TGIF1: variants seen among roughly 807,000 people sequenced by gnomAD.
TGIF1 encodes the protein homeobox protein TGIF1.
In TGIF1, 4 loss-of-function variants were observed where a neutral mutation model predicts 19.3. The observed-to-expected ratio is 0.21, with a 90% CI of 0.10 to 0.47. TGIF1 has a LOEUF of 0.47. TGIF1 is among the 20% of genes least tolerant of loss of function. The probability of loss-of-function intolerance (pLI) is 0.98; values close to 1 mark genes in which losing one functional copy is unlikely to be tolerated. For synonymous variants in TGIF1, 122 were observed against 129.3 expected (o/e 0.94, Z 0.38); for missense variants, 275 against 341.4 (o/e 0.81, Z 1.53).
upstream of TGIF1, among the ~76,000 whole-genome samples, chr18:3,445,228 A>G (rs1411574411): frequency 6.6e-6 from 1 of 152,152 alleles, no homozygotes; most frequent in African/African-American, 2.4e-5. Context: ...CTGGTGAGAA[A>G]CTGCCAGAGG....
upstream of TGIF1, among the ~76,000 whole-genome samples, chr18:3,445,686 T>C (rs1167359443): frequency 8.6e-6 from 1 of 116,404 alleles, no homozygotes; most frequent in Non-Finnish European, 1.6e-5. Flanking sequence ...ATTGCGCCAC[T>C]GCACTCCAGC....
upstream of TGIF1, among the ~76,000 whole-genome samples, chr18:3,445,350 G>A (rs936679275): frequency 6.6e-6 from 1 of 152,138 alleles, no homozygotes; most frequent in Non-Finnish European, 1.5e-5. Context: ...AAGAATGGAA[G>A]GGGGCAGTTA....
chr18:3,420,946 G>A (rs1392897032), intron 2 of TGIF1, among the ~76,000 whole-genome samples: 2 of 152,144 alleles, frequency 1.3e-5, no homozygotes, highest in African/African-American at 4.8e-5. Context: ...AGTGTGACTT[G>A]GTTCTAATCA....
chr18:3,415,594 C>A, intron 1 of TGIF1: 1 of 232,550 alleles, frequency 4.3e-6, no homozygotes, highest in Admixed American at 4.2e-5. Flanking sequence ...GGAACATGCC[C>A]AACGCCTTTT....
chr18:3,424,124 C>T (rs2082440463), intron 2 of TGIF1, among the ~76,000 whole-genome samples: 1 of 152,100 alleles, frequency 6.6e-6, no homozygotes, highest in Non-Finnish European at 1.5e-5. Flanking sequence ...AAGCTGCGAC[C>T]TAATTAATGT....
chr18:3,447,619 TG>T (rs1223831738), upstream of TGIF1: 11 of 1,113,802 alleles, frequency 9.9e-6, no homozygotes, highest in Admixed American at 3.5e-5. Context: ...CAGCGTTGGC[TG>T]GGGGGAGGCA....
chr18:3,417,739 T>G (rs2082351490), intron 1 of TGIF1, among the ~76,000 whole-genome samples: 1 of 152,188 alleles, frequency 6.6e-6, no homozygotes, highest in East Asian at 1.9e-4. Context: ...TATGTTATAT[T>G]TCTTCTTTCT....
intron 2 of TGIF1, among the ~76,000 whole-genome samples, chr18:3,424,642 G>C (rs1172874275): frequency 6.6e-6 from 1 of 152,230 alleles, no homozygotes; most frequent in Non-Finnish European, 1.5e-5. Flanking sequence ...CACTGGATTA[G>C]AGGGTAGGAA....
intron 2 of TGIF1, among the ~76,000 whole-genome samples, chr18:3,426,165 C>A (rs1378291682): frequency 1.7e-5 from 2 of 118,862 alleles, no homozygotes; most frequent in South Asian, 2.3e-4. Context: ...TGGCTAGGGT[C>A]CTTTTTTTTT....
intron 1 of TGIF1, chr18:3,452,164 C>G (rs555016322): frequency 2.7e-5 from 44 of 1,613,866 alleles, no homozygotes; most frequent in Middle Eastern, 3.3e-4. Context: ...TACCTTCCCC[C>G]AGCGCCGTGG....
chr18:3,412,211 G>C (rs528167480), exon 1 of TGIF1: 4 of 152,258 alleles, frequency 2.6e-5, no homozygotes, highest in Admixed American at 2.0e-4. Flanking sequence ...GGTGCTGCGC[G>C]GGGCTCCCTC....
intron 1 of TGIF1, among the ~76,000 whole-genome samples, chr18:3,453,485 G>T (rs926480871): frequency 6.6e-6 from 1 of 151,856 alleles, no homozygotes; most frequent in Non-Finnish European, 1.5e-5. Context: ...TCGGGAGTTC[G>T]AGACCAGCCT....
chr18:3,431,868 C>T (rs570250250), intron 2 of TGIF1, among the ~76,000 whole-genome samples: 3 of 152,284 alleles, frequency 2.0e-5, no homozygotes, highest in East Asian at 3.9e-4. Context: ...CTGTGGCTCA[C>T]GCCTGTAATC....
chr18:3,451,953 AT>A lies in TGIF1; in HGVS notation c.16+1449del. On this transcript the variant is annotated intron_variant, in intron 1 of 2. Coordinates refer to ENST00000343820, the MANE Select transcript of TGIF1 (RefSeq NM_003244.4). This position sits in a 1 kb window ranked among gnomAD's most constrained non-coding sequence, Gnocchi z 5.4. The stretch of plus-strand genomic sequence containing the variant: ...GTCTGTTGTGGTGGGCCTCCCGGGA[AT>A]AAGTGAGGGGCTCTGTGTTTCGAGG... The A allele has an allele frequency of 6.4e-7, 1 of 1,553,718 alleles. No individual in the cohort carries two copies. Among genetic ancestry groups the A allele is most frequent in the Non-Finnish European group, 8.7e-7 (1 of 1,147,740 alleles).
chr18:3,438,605 A>ACACACACACACACACACACACACC (rs2082644816), intron 2 of TGIF1, among the ~76,000 whole-genome samples: 1 of 148,684 alleles, frequency 6.7e-6, no homozygotes, highest in Non-Finnish European at 1.5e-5. Flanking sequence ...AAACACACAC[A>ACACACACACACACACACACACACC]CACACACACA....
At chr18:3,412,562 C>G (rs2082284946) in intron 1 of TGIF1, among the ~76,000 whole-genome samples, 2 of 152,192 alleles carry the variant, frequency 1.3e-5, no homozygotes, top group Admixed American at 6.5e-5. Flanking sequence ...AAATTCTTTG[C>G]ACATCTGGGA....
chr18:3,454,673 C>A (rs6506128), intron 1 of TGIF1, among the ~76,000 whole-genome samples: 26,237 of 152,050 alleles, frequency 0.17, 3,996 homozygotes, highest in African/African-American at 0.41. Context: ...CTTTTAAAAA[C>A]CTTTTTAAAA....
At chr18:3,443,129 T>C (rs973627553) in intron 2 of TGIF1, among the ~76,000 whole-genome samples, 3 of 152,196 alleles carry the variant, frequency 2.0e-5, no homozygotes, top group Non-Finnish European at 4.4e-5. Flanking sequence ...GCCGGTTCAT[T>C]ATCAGTATGC....
chr18:3,449,322 C>T (rs1055333568), upstream of TGIF1: 13 of 945,908 alleles, frequency 1.4e-5, no homozygotes, highest in Admixed American at 2.5e-4. Context: ...ATAAAAGTGG[C>T]CGCTGCCGGG....
Sources: gnomAD v4.1 joint callset for allele counts (sites outside exome capture counted in the v4.1 genomes callset) on GRCh38, gnomAD v4.1.1 for gene constraint, Gnocchi (gnomAD v3.1) non-coding constraint, MANE v1.5 for transcripts, NCBI Gene and HGNC (gene_info 2026-07-23, HGNC 2026-07-21) for gene names.